PREX1: variants seen among roughly 807,000 people sequenced by gnomAD.
The protein encoded by PREX1 is phosphatidylinositol 3,4,5-trisphosphate-dependent Rac exchanger 1 protein.
PREX1 carries 41 observed loss-of-function variants against 198.3 expected under a neutral mutation model. The observed-to-expected ratio is 0.21, with a 90% confidence interval of 0.16 to 0.27. PREX1 has a LOEUF of 0.27. PREX1 is among the 10% of genes least tolerant of loss of function. The pLI, the probability that PREX1 is intolerant of heterozygous loss-of-function variation, is 1.00. For missense variants in PREX1, 1,620 were observed against 2,200.7 expected, an observed-to-expected ratio of 0.74 and a Z score of 5.28; for synonymous variants, 843 against 887.2, an observed-to-expected ratio of 0.95 and a Z score of 0.89.
chr20:48,822,928 C>G (rs1395257514), intron 1 of PREX1, among the ~76,000 whole-genome samples: 1 of 152,158 alleles, frequency 6.6e-6, no homozygotes, highest in Non-Finnish European at 1.5e-5. Context: ...GACCTGCCCC[C>G]ACCCCAACCA....
chr20:48,637,171 G>A (rs920716224), intron 31 of PREX1, among the ~76,000 whole-genome samples: 9 of 152,348 alleles, frequency 5.9e-5, no homozygotes, highest in African/African-American at 2.2e-4. Flanking sequence ...ACCTTGGCAT[G>A]GTCTGAAGAA....
intron 27 of PREX1, among the ~76,000 whole-genome samples, chr20:48,644,079 C>T (rs112564716): frequency 5.3e-5 from 8 of 152,324 alleles, no homozygotes; most frequent in South Asian, 2.1e-4. Flanking sequence ...TGTCAGCACA[C>T]GCATCACAAC....
chr20:48,850,589 T>G, the PREX1 span, among the ~76,000 whole-genome samples: 1 of 151,816 alleles, frequency 6.6e-6, no homozygotes, highest in Non-Finnish European at 1.5e-5. Context: ...TTGGACCATA[T>G]CTTGAAGGAG....
At chr20:48,758,051 A>G (rs933325049) in intron 1 of PREX1, among the ~76,000 whole-genome samples, 2 of 152,164 alleles carry the variant, frequency 1.3e-5, no homozygotes, top group African/African-American at 4.8e-5. Flanking sequence ...CTGAGGCAAG[A>G]AGTGGAGTAC....
chr20:48,760,057 A>G (rs1029935914), intron 1 of PREX1, among the ~76,000 whole-genome samples: 3 of 151,890 alleles, frequency 2.0e-5, no homozygotes, highest in Non-Finnish European at 4.4e-5. Context: ...GGTTGCAGTG[A>G]GCCAAGATCG....
chr20:48,647,519 C>CAAAAAAAAAAA (rs765244255), intron 25 of PREX1, among the ~76,000 whole-genome samples: 1 of 49,628 alleles, frequency 2.0e-5, no homozygotes, highest in African/African-American at 6.3e-5. Context: ...GACAACATCT[C>CAAAAAAAAAAA]AAAAAAAAAA....
the PREX1 span, among the ~76,000 whole-genome samples, chr20:48,876,003 A>G: frequency 6.6e-6 from 1 of 152,226 alleles, no homozygotes; most frequent in Middle Eastern, 3.4e-3. Context: ...TGACATGGGA[A>G]CGAGGGAGTG....
intron 13 of PREX1, among the ~76,000 whole-genome samples, chr20:48,677,985 CAAAAAAAGAAAAAAA>C (rs777735796): frequency 4.7e-5 from 7 of 150,060 alleles, no homozygotes; most frequent in Middle Eastern, 3.4e-3. Flanking sequence ...GACTCCGTCT[CAAAAAAAGAAAAAAA>C]AGAAAAAGAA....
At chr20:48,687,595 T>A (rs1404540776) in intron 10 of PREX1, among the ~76,000 whole-genome samples, 1 of 151,926 alleles carries the variant, frequency 6.6e-6, no homozygotes, top group Non-Finnish European at 1.5e-5. Context: ...TTGGGGGGAG[T>A]TTAAGTCCTT....
intron 1 of PREX1, among the ~76,000 whole-genome samples, chr20:48,798,668 C>T (rs1295634427): frequency 1.3e-5 from 2 of 152,294 alleles, no homozygotes; most frequent in Admixed American, 6.5e-5. Context: ...GATTCTGCTG[C>T]GGTGGATGTG....
intron 18 of PREX1, 126 bp downstream of exon 18, chr20:48,656,914 G>A: frequency 1.6e-6 from 2 of 1,243,274 alleles, no homozygotes. Context: ...GGTCCAGCTT[G>A]TGTTGTGTGA....
At chr20:48,835,799 T>C in the PREX1 span, among the ~76,000 whole-genome samples, 6 of 152,160 alleles carry the variant, frequency 3.9e-5, no homozygotes, top group Non-Finnish European at 8.8e-5. Flanking sequence ...TAGGTTCTAA[T>C]AGAATCCCTC....
intron 4 of PREX1, among the ~76,000 whole-genome samples, chr20:48,727,701 C>A (rs1363848293): frequency 1.3e-5 from 2 of 152,148 alleles, no homozygotes; most frequent in African/African-American, 4.8e-5. Context: ...GACACCGAGT[C>A]TGGGATTGAA....
chr20:48,826,449 T>A (rs2090509201), intron 1 of PREX1, among the ~76,000 whole-genome samples: 1 of 151,236 alleles, frequency 6.6e-6, no homozygotes, highest in Admixed American at 6.6e-5. Context: ...AGAATAGGGG[T>A]TTAGAACACC....
At chr20:48,847,385 C>CAAAA in the PREX1 span, among the ~76,000 whole-genome samples, 2 of 122,194 alleles carry the variant, frequency 1.6e-5, no homozygotes, top group Non-Finnish European at 3.4e-5. Flanking sequence ...AAAAAAAAAA[C>CAAAA]AAACCCTCCC....
At chr20:48,872,176 G>T in the PREX1 span, among the ~76,000 whole-genome samples, 1 of 147,312 alleles carries the variant, frequency 6.8e-6, no homozygotes, top group Non-Finnish European at 1.5e-5. Flanking sequence ...AAAAAAAAAA[G>T]ATTCAGGGTA....
At chr20:48,653,818 G>T (rs1019656950) in intron 19 of PREX1, among the ~76,000 whole-genome samples, 5 of 152,224 alleles carry the variant, frequency 3.3e-5, no homozygotes. Context: ...CTACTGGGCC[G>T]CATTTGGCAG....
chr20:48,690,805 C>A, intron 9 of PREX1, 142 bp downstream of exon 9: 3 of 1,206,258 alleles, frequency 2.5e-6, no homozygotes, highest in Non-Finnish European at 3.4e-6. Flanking sequence ...CCAGAGCTCC[C>A]TGTCCCTTCA....
At chr20:48,676,401 G>C in intron 13 of PREX1, 133 bp from the exon 14 acceptor site, 2 of 793,646 alleles carry the variant, frequency 2.5e-6, no homozygotes, top group Non-Finnish European at 4.2e-6. Context: ...GCAGGGGTCC[G>C]AGTCTCAGCC....
Sources: allele counts gnomAD v4.1 joint callset (sites outside exome capture counted in the v4.1 genomes callset), GRCh38; gene constraint gnomAD v4.1.1; transcripts MANE v1.5; gene names NCBI Gene and HGNC (gene_info 2026-07-23, HGNC 2026-07-21).